KLRD1: variants seen among roughly 807,000 people sequenced by gnomAD.
KLRD1 encodes killer cell lectin like receptor D1, also known as natural killer cells antigen CD94.
In KLRD1, 21 loss-of-function variants were observed where a neutral mutation model predicts 22.6. The ratio of observed to expected loss-of-function variants is 0.93; its 90% CI spans 0.66 to 1.34. The LOEUF is 1.34. Ranked by LOEUF, KLRD1 falls within the 40% of genes most tolerant of loss-of-function variation. The pLI, the probability that KLRD1 is intolerant of heterozygous loss-of-function variation, is 0.00. For synonymous variants in KLRD1, 59 were observed against 71.1 expected (o/e 0.83, Z 0.85); for missense variants, 183 against 208.6 (o/e 0.88, Z 0.76).
chr12:10,290,819 G>T (rs1477678235), intron 1 of KLRD1, among the ~76,000 whole-genome samples: 1 of 151,850 alleles, frequency 6.6e-6, no homozygotes, highest in Non-Finnish European at 1.5e-5. Flanking sequence ...TGATAAAACT[G>T]CATAAAATGA....
In KLRD1 at chr12:10,329,373, A is replaced by G. The variant is rs189237977; in HGVS notation, c.*14580A>G. On this transcript the variant is annotated 3_prime_UTR_variant, in exon 6 of 6. Transcript: ENST00000336164. ...CTTGATGCTGTAAAAGATACTTGAT[A>G]TGACTTCAATTTTCTTAATTTTCTT... 3 of 152,310 alleles carry G rather than the reference A, an allele frequency of 2.0e-5. No individual in the cohort carries two copies. Among genetic ancestry groups the G allele is most frequent in the East Asian group, 3.9e-4 (2 of 5,180 alleles). 9.4% of individuals were successfully genotyped at this position (152,310 alleles called of 1,614,324 possible). A position where few individuals can be genotyped will look rare whatever the true frequency, so the allele number is the denominator to read the frequency against.
chr12:10,252,731 G>A (rs1949356570), intron 1 of KLRD1, among the ~76,000 whole-genome samples: 1 of 152,104 alleles, frequency 6.6e-6, no homozygotes, highest in South Asian at 2.1e-4. Context: ...CTTTGAGAAA[G>A]AGGAATAACT....
At chr12:10,288,834 G>T (rs904244462) in intron 1 of KLRD1, among the ~76,000 whole-genome samples, 1 of 152,036 alleles carries the variant, frequency 6.6e-6, no homozygotes, top group Admixed American at 6.6e-5. Context: ...CAGGCTACTG[G>T]AACTTGAGAA....
Position 10,329,155 on chromosome 12 carries a change from A to C in KLRD1, c.*14362A>C, listed in dbSNP as rs958197428. 1 of 151,932 alleles carries C rather than the reference A, an allele frequency of 6.6e-6. No homozygotes were observed. The highest frequency in any genetic ancestry group is 2.4e-5 in the African/African-American group (1 of 41,370). The allele number at this position is 151,932 out of a possible 1,614,324, so 9.4% of individuals were successfully genotyped here. A position where few individuals can be genotyped will look rare whatever the true frequency, so the allele number is the denominator to read the frequency against. On this transcript the variant is annotated 3_prime_UTR_variant, in exon 6 of 6. Coordinates refer to ENST00000336164, the MANE Select transcript of KLRD1 (RefSeq NM_002262.5). ...TTAATGCAGATATTCATCACTATAA[A>C]CTTTTCTTTTAGCCCTACTTTTACT...
intron 1 of KLRD1, among the ~76,000 whole-genome samples, chr12:10,273,982 T>C (rs1949570722): frequency 1.3e-5 from 2 of 152,196 alleles, no homozygotes; most frequent in African/African-American, 2.4e-5. Context: ...CAATGGGTTC[T>C]TAAAAATTTT....
intron 1 of KLRD1, among the ~76,000 whole-genome samples, chr12:10,286,661 G>GTTTTTTTTTTTTTTTTTTTTTT (rs1565459881): frequency 6.1e-5 from 3 of 49,318 alleles, no homozygotes; most frequent in African/African-American, 7.1e-5. Flanking sequence ...CGCTTATGGT[G>GTTTTTTTTTTTTTTTTTTTTTT]CTTTTTTTTT....
intron 1 of KLRD1, among the ~76,000 whole-genome samples, chr12:10,268,094 G>A (rs1368267251): frequency 6.6e-6 from 1 of 152,188 alleles, no homozygotes; most frequent in African/African-American, 2.4e-5. Flanking sequence ...TCTGGAAATC[G>A]ATTAGAAAGA....
At chr12:10,264,722 C>T (rs903333809) in intron 1 of KLRD1, among the ~76,000 whole-genome samples, 5 of 147,202 alleles carry the variant, frequency 3.4e-5, no homozygotes, top group African/African-American at 8.0e-5. Context: ...CACTTAAGAT[C>T]TACTCTCTTA....
chr12:10,263,153 T>C (rs1295297835), intron 1 of KLRD1, among the ~76,000 whole-genome samples: 1 of 152,062 alleles, frequency 6.6e-6, no homozygotes, highest in Non-Finnish European at 1.5e-5. Context: ...GCTATTTTAA[T>C]ATTATACAAA....
chr12:10,283,950 C>T (rs1023720429), intron 1 of KLRD1, among the ~76,000 whole-genome samples: 8 of 148,988 alleles, frequency 5.4e-5, no homozygotes, highest in East Asian at 2.0e-4. Context: ...CCGAGGTGGG[C>T]GGATCACCTG....
At chr12:10,314,481 G>A (rs1029272850) in intron 5 of KLRD1, among the ~76,000 whole-genome samples, 192 bp from the exon 6 acceptor site, 20 of 152,012 alleles carry the variant, frequency 1.3e-4, no homozygotes, top group African/African-American at 4.8e-4. Context: ...CTATTGATTA[G>A]TGAGAAAATA....
intron 1 of KLRD1, among the ~76,000 whole-genome samples, chr12:10,240,266 G>A (rs1949228398): frequency 6.6e-6 from 1 of 151,950 alleles, no homozygotes; most frequent in Non-Finnish European, 1.5e-5. Flanking sequence ...TTGCCATGTT[G>A]CCCAGGCTGG....
At chr12:10,253,073 AACTT>A (rs1249919511) in intron 1 of KLRD1, among the ~76,000 whole-genome samples, 1 of 152,120 alleles carries the variant, frequency 6.6e-6, no homozygotes, top group Non-Finnish European at 1.5e-5. Flanking sequence ...AGTTTTGAAG[AACTT>A]AATTATAATG....
At chr12:10,248,671 C>G (rs1949317452) in intron 1 of KLRD1, among the ~76,000 whole-genome samples, 1 of 145,934 alleles carries the variant, frequency 6.9e-6, no homozygotes. Flanking sequence ...GATCTCGGCT[C>G]ACTGCAACCT....
In KLRD1 at chr12:10,326,107, A is replaced by G. The variant is rs997026187; in HGVS notation, c.*11314A>G. 15 of 152,086 alleles carry G rather than the reference A, an allele frequency of 9.9e-5. No homozygotes were observed. Among genetic ancestry groups the G allele is most frequent in the African/African-American group, 3.6e-4 (15 of 41,410 alleles). 9.4% of individuals were successfully genotyped at this position (152,086 alleles called of 1,614,324 possible). ...CCCATTGACCCTTTGTATGTTTTTT[A>G]TGAAGAAATGACCATTCAAGTCTTT... On this transcript the variant is annotated 3_prime_UTR_variant, in exon 6 of 6. Transcript: ENST00000336164.
chr12:10,291,052 T>G (rs1949765588), intron 1 of KLRD1, among the ~76,000 whole-genome samples: 1 of 152,216 alleles, frequency 6.6e-6, no homozygotes, highest in South Asian at 2.1e-4. Flanking sequence ...GAATTTTTTT[T>G]GTTTCCCAAT....
At chr12:10,239,532 T>TCC (rs1491191582) in intron 1 of KLRD1, among the ~76,000 whole-genome samples, 3,871 of 16,592 alleles carry the variant, frequency 0.23, 395 homozygotes, top group African/African-American at 0.41. Flanking sequence ...TCTTTCTTTC[T>TCC]TTCTTTCTTT....
chr12:10,276,512 G>T (rs1241461515), intron 1 of KLRD1, among the ~76,000 whole-genome samples: 1 of 151,982 alleles, frequency 6.6e-6, no homozygotes, highest in Non-Finnish European at 1.5e-5. Context: ...TTGGTATTGA[G>T]AATAAGAAAT....
Position 10,328,578 on chromosome 12 carries a change from A to G in KLRD1, c.*13785A>G, listed in dbSNP as rs187646527. 8 of 152,018 alleles carry G rather than the reference A, an allele frequency of 5.3e-5. No homozygotes were observed. In the South Asian group the frequency reaches 1.5e-3, roughly 28 times the overall value. 9.4% of individuals were successfully genotyped at this position (152,018 alleles called of 1,614,324 possible). ...GCTAAAGGTTTGTCAAGTTATTTAT[A>G]TTTTCCAAAAACTAACTCTTAGTTT... On this transcript the variant is annotated 3_prime_UTR_variant, in exon 6 of 6. Transcript: ENST00000336164.
Sources: gnomAD v4.1 joint callset for allele counts (sites outside exome capture counted in the v4.1 genomes callset) on GRCh38, gnomAD v4.1.1 for gene constraint, MANE v1.5 for transcripts, NCBI Gene and HGNC (gene_info 2026-07-23, HGNC 2026-07-21) for gene names.